The following EHHADH variants were observed in gnomAD, a reference collection of about 807,000 sequenced individuals.
EHHADH encodes enoyl-CoA hydratase and 3-hydroxyacyl CoA dehydrogenase.
A neutral mutation model predicts 64.4 loss-of-function variants in EHHADH; 48 were observed. The observed-to-expected ratio is 0.75, with a 90% confidence interval of 0.59 to 0.95. The LOEUF (loss-of-function observed/expected upper bound fraction) is 0.95. Ranked by LOEUF, EHHADH falls within the 40% of genes least tolerant of loss-of-function variation. The pLI, the probability that EHHADH is intolerant of heterozygous loss-of-function variation, is 0.00. For synonymous variants in EHHADH, 308 were observed against 326.7 expected (o/e 0.94, Z 0.62); for missense variants, 854 against 876.6 (o/e 0.97, Z 0.33).
chr3:185,209,075 G>A (rs1223538554), intron 5 of EHHADH, among the ~76,000 whole-genome samples: 2 of 152,096 alleles, frequency 1.3e-5, no homozygotes, highest in Non-Finnish European at 2.9e-5. Context: ...TGTGGGAGTG[G>A]ACAAGTCTTA....
In EHHADH at chr3:185,193,065, C is replaced by T. The variant is rs1577351231; in HGVS notation, c.1333G>A (p.Val445Ile). 1 of 1,614,074 alleles carries T rather than the reference C, an allele frequency of 6.2e-7. No homozygotes were observed. The highest frequency in any genetic ancestry group is 2.2e-5 in the East Asian group (1 of 44,882). Residue 445 changes from valine to isoleucine, a missense_variant, in exon 7 of 7, where the codon GTT (valine) becomes ATT (isoleucine). By Grantham distance (29) the Val-to-Ile change is conservative (BLOSUM62 3). Coordinates refer to ENST00000231887, the MANE Select transcript of EHHADH (RefSeq NM_001966.4). ...SPAHVMKLLE[V>I]IPSQYSSPTT... Reference sequence around the variant, plus strand: ...GGGGAAGAGTATTGGCTGGGAATAACCTCTAACAACTTCATGACATGAGCT... The same window carrying T: ...GGGGAAGAGTATTGGCTGGGAATAATCTCTAACAACTTCATGACATGAGCT...
In EHHADH at chr3:185,209,042, T is replaced by A. The variant is rs189173639; in HGVS notation, c.569-4285A>T. Among the ~76,000 whole-genome samples, 25 of 152,322 alleles carry A rather than the reference T, an allele frequency of 1.6e-4. No individual in the cohort carries two copies. The East Asian group carries it at 2.9e-3, about 18-fold the overall frequency. On this transcript the variant is annotated intron_variant, in intron 5 of 6. Coordinates refer to ENST00000231887, the MANE Select transcript of EHHADH (RefSeq NM_001966.4). ...CTGGGGATGTGAGTAGGAGTTAGTG[T>A]TAATGGGCATGAAGAAACTTTTTGT...
chr3:185,246,289 C>A, intron 2 of EHHADH: 1 of 808,142 alleles, frequency 1.2e-6, no homozygotes, highest in Non-Finnish European at 2.0e-6. Flanking sequence ...GCTTCCAAAT[C>A]TTTGTCCTCA....
intron 2 of EHHADH, among the ~76,000 whole-genome samples, chr3:185,239,847 T>C (rs1164561676): frequency 6.6e-6 from 1 of 152,180 alleles, no homozygotes; most frequent in Non-Finnish European, 1.5e-5. Context: ...TGGGCATCCT[T>C]GTCTTGTTCC....
Position 185,253,570 on chromosome 3 carries a change from T to TA in EHHADH, c.74+378dup, listed in dbSNP as rs1263851140. ...TGTACCCTAAAACTTAAAGTATAATTAAAAAAAAAAAAGAAAAATAAAAAG... is the reference window on the plus strand; with the variant it reads ...TGTACCCTAAAACTTAAAGTATAATTAAAAAAAAAAAAAGAAAAATAAAAAG... On this transcript the variant is annotated intron_variant, in intron 1 of 6. Transcript: ENST00000231887. Among the ~76,000 whole-genome samples the TA allele has an allele frequency of 4.5e-3, 316 of 70,368 alleles. 1 individual carries two copies. Among genetic ancestry groups the TA allele is most frequent in the African/African-American group, 0.016 (250 of 15,658 alleles). The allele number at this position is 70,368 out of a possible 152,430, so 46.2% of individuals were successfully genotyped here. A position where few individuals can be genotyped will look rare whatever the true frequency, so the allele number is the denominator to read the frequency against.
intron 2 of EHHADH, 22 bp from the exon 3 acceptor site, chr3:185,235,484 G>A: frequency 6.3e-7 from 1 of 1,584,874 alleles, no homozygotes; most frequent in South Asian, 1.2e-5. Flanking sequence ...AAGACAAGGA[G>A]AAAACAGAGT....
chr3:185,246,372 ATAAAAGGCTTCTTCT>A, intron 2 of EHHADH: 2 of 672,422 alleles, frequency 3.0e-6, no homozygotes, highest in Non-Finnish European at 4.8e-6. Flanking sequence ...CTCATCTAAC[ATAAAAGGCTTCTTCT>A]TCTTCTTTTC....
At chr3:185,238,955 T>G (rs1719375733) in intron 2 of EHHADH, among the ~76,000 whole-genome samples, 1 of 152,220 alleles carries the variant, frequency 6.6e-6, no homozygotes, top group Non-Finnish European at 1.5e-5. Flanking sequence ...CCTCAATTAA[T>G]TTTTGTATAT....
In EHHADH at chr3:185,246,012, G is replaced by C. The variant is rs940756019; in HGVS notation, c.178+2402C>G. 3.8e-5 allele frequency: 53 copies of C among 1,397,900 alleles called. No individual in the cohort carries two copies. The Middle Eastern group carries it at 7.5e-4, about 20-fold the overall frequency. The allele number at this position is 1,397,900 out of a possible 1,614,324, so 86.6% of individuals were successfully genotyped here. ...TCTTTTTTGCTATCTTCATCTTCTAGAGCTTCATCTTTCTCTAGTAGTTCA... is the reference window on the plus strand; with the variant it reads ...TCTTTTTTGCTATCTTCATCTTCTACAGCTTCATCTTTCTCTAGTAGTTCA... On this transcript the variant is annotated intron_variant, in intron 2 of 6. Coordinates refer to ENST00000231887, the MANE Select transcript of EHHADH (RefSeq NM_001966.4).
chr3:185,249,518 C>T (rs974863614), intron 1 of EHHADH, among the ~76,000 whole-genome samples: 9 of 152,186 alleles, frequency 5.9e-5, no homozygotes, highest in African/African-American at 2.2e-4. Flanking sequence ...TGGATCATGC[C>T]AGTGGTTTCC....
At chr3:185,215,764 A>T (rs913498350) in intron 5 of EHHADH, among the ~76,000 whole-genome samples, 2 of 152,164 alleles carry the variant, frequency 1.3e-5, no homozygotes, top group Non-Finnish European at 2.9e-5. Context: ...AAAAGCAAAA[A>T]TCACTTAAGA....
intron 4 of EHHADH, among the ~76,000 whole-genome samples, chr3:185,228,626 C>A (rs1023059418): frequency 6.7e-6 from 1 of 149,636 alleles, no homozygotes; most frequent in East Asian, 2.0e-4. Flanking sequence ...TGCCGTGAGC[C>A]GAGATCATGC....
In EHHADH at chr3:185,253,723, G is replaced by T. The variant is rs193152572; in HGVS notation, c.74+226C>A. 1.8e-5 allele frequency: 18 copies of T among 1,027,110 alleles called. No homozygotes were observed. In the South Asian group the frequency reaches 3.4e-4, roughly 19 times the overall value. The allele number at this position is 1,027,110 out of a possible 1,614,324, so 63.6% of individuals were successfully genotyped here. On this transcript the variant is annotated intron_variant, in intron 1 of 6. Coordinates refer to ENST00000231887, the MANE Select transcript of EHHADH (RefSeq NM_001966.4). ...GTTTCCTTATCAGTAAAACGGGGAC[G>T]AGAGTTCCCTGCGAAGATTAACCAA...
chr3:185,203,900 G>A (rs1191653437), intron 6 of EHHADH, among the ~76,000 whole-genome samples: 3 of 152,082 alleles, frequency 2.0e-5, no homozygotes, highest in Non-Finnish European at 4.4e-5. Flanking sequence ...AGAAATTTGG[G>A]ACGCTAAGGC....
intron 5 of EHHADH, among the ~76,000 whole-genome samples, chr3:185,217,173 T>C (rs1173938054): frequency 6.6e-6 from 1 of 152,166 alleles, no homozygotes; most frequent in African/African-American, 2.4e-5. Flanking sequence ...TCATGGGAGC[T>C]GATCCCTCAG....
At chr3:185,253,623 A>G (rs927496714) in intron 1 of EHHADH, among the ~76,000 whole-genome samples, 1 of 151,850 alleles carries the variant, frequency 6.6e-6, no homozygotes, top group African/African-American at 2.4e-5. Flanking sequence ...AGTTGCAAGT[A>G]AGCAGGAGGG....
intron 6 of EHHADH, among the ~76,000 whole-genome samples, chr3:185,204,149 A>G (rs890208808): frequency 6.6e-6 from 1 of 150,642 alleles, no homozygotes; most frequent in African/African-American, 2.4e-5. Flanking sequence ...AAAAAAAAAA[A>G]AAAAAAAAAG....
At position 185,193,169 on chromosome 3, in the gene EHHADH, G is replaced by C. The variant is rs749809014; in HGVS notation, c.1229C>G (p.Thr410Ser). Residue 410 changes from threonine (T) to serine (S), a missense_variant, in exon 7 of 7, where the codon ACT becomes AGT. By Grantham distance (58) the Thr-to-Ser change is moderately conservative. Transcript: ENST00000231887. ...AATCTCATCAACATCCAGGGCTGAA[G>C]TATTAGTGCACAAAAATGCTTCTGG... ...CKPEAFLCTN[T>S]SALDVDEIAS... 1 of 1,613,164 alleles carries C rather than the reference G, an allele frequency of 6.2e-7. No individual in the cohort carries two copies. Among genetic ancestry groups the C allele is most frequent in the Non-Finnish European group, 8.5e-7 (1 of 1,179,696 alleles).
rs180824476 is a variant in EHHADH, at chr3:185,239,619, T to C, written c.179-4157A>G. ...GTGTATAGAATGCTACTGATTTTTG[T>C]ACATTCATTTTGTATCCTGAAACTT... On this transcript the variant is annotated intron_variant, in intron 2 of 6. Coordinates refer to ENST00000231887, the MANE Select transcript of EHHADH (RefSeq NM_001966.4). 3.2e-3 allele frequency among the ~76,000 whole-genome samples: 487 copies of C among 152,254 alleles called. 1 individual carries two copies. The highest frequency in any genetic ancestry group is 0.011 in the African/African-American group (454 of 41,568).
Sources: allele counts gnomAD v4.1 joint callset (sites outside exome capture counted in the v4.1 genomes callset), GRCh38; gene constraint gnomAD v4.1.1; transcripts MANE v1.5; gene names NCBI Gene and HGNC (gene_info 2026-07-23, HGNC 2026-07-21).